The following LRCH3 variants were observed in gnomAD, a reference collection of about 807,000 sequenced individuals.
LRCH3 encodes DISP complex protein LRCH3.
A neutral mutation model predicts 104.5 loss-of-function variants in LRCH3; 68 were observed. The observed-to-expected ratio is 0.65, with a 90% CI of 0.54 to 0.80. The LOEUF is 0.80. Ranked by LOEUF, LRCH3 falls within the 30% of genes least tolerant of loss-of-function variation. The pLI, the probability that LRCH3 is intolerant of heterozygous loss-of-function variation, is 0.00. For missense variants in LRCH3, 951 were observed against 953.9 expected (o/e 1.00, Z 0.04); for synonymous variants, 344 against 361.3 (o/e 0.95, Z 0.54).
chr3:197,808,749 C>T (rs1732779678), intron 1 of LRCH3, among the ~76,000 whole-genome samples: 1 of 151,970 alleles, frequency 6.6e-6, no homozygotes. Context: ...CCCATCTCTC[C>T]AAAAATTAGC....
At chr3:197,841,809 A>ATGTTTTGTTT (rs370265011) in intron 10 of LRCH3, among the ~76,000 whole-genome samples, 33,485 of 148,218 alleles carry the variant, frequency 0.23, 4,445 homozygotes, top group Admixed American at 0.31. Flanking sequence ...CTAGGATTAC[A>ATGTTTTGTTT]TGTTTTGTTT....
chr3:197,853,283 G>A (rs934049347), intron 13 of LRCH3, among the ~76,000 whole-genome samples: 10 of 151,694 alleles, frequency 6.6e-5, no homozygotes, highest in Non-Finnish European at 1.2e-4. Flanking sequence ...TCCGACTCCC[G>A]GGTCCAACTG....
chr3:197,881,730 C>T, intron 20 of LRCH3: 2 of 985,304 alleles, frequency 2.0e-6, no homozygotes, highest in Non-Finnish European at 2.4e-6. Context: ...ATTCAGGAAC[C>T]TTCTGAACTC....
chr3:197,852,557 A>G lies in LRCH3; in HGVS notation c.1531-4A>G. On this transcript the variant is annotated splice_polypyrimidine_tract_variant and splice_region_variant and intron_variant, in intron 12 of 20. Coordinates refer to ENST00000425562, the MANE Select transcript of LRCH3 (RefSeq NM_001365715.1). ...CTTTTTTGGGGGGTTTTGGGATTAT[A>G]CAGCAAAAAGCATCACAAAGTCCAC... is the stretch of plus-strand genomic sequence containing the variant. The G allele has an allele frequency of 1.9e-6, 3 of 1,614,070 alleles. No individual in the cohort carries two copies. Among genetic ancestry groups the G allele is most frequent in the Non-Finnish European group, 2.5e-6 (3 of 1,179,954 alleles).
At chr3:197,861,573 A>G (rs1432731959) in intron 15 of LRCH3, among the ~76,000 whole-genome samples, 2 of 152,178 alleles carry the variant, frequency 1.3e-5, no homozygotes, top group Admixed American at 6.5e-5. Context: ...TTTTTTTTCT[A>G]TCCGACCTGC....
intron 20 of LRCH3, chr3:197,882,385 C>T (rs756410260): frequency 1.0e-6 from 1 of 982,128 alleles, no homozygotes; most frequent in East Asian, 1.1e-4. Flanking sequence ...ATTACAGTTA[C>T]CTCATTTTAT....
At chr3:197,853,253 G>A (rs951999760) in intron 13 of LRCH3, among the ~76,000 whole-genome samples, 6 of 151,766 alleles carry the variant, frequency 4.0e-5, no homozygotes, top group Non-Finnish European at 8.8e-5. Context: ...GCAGTGGCGC[G>A]ATACTGGCTC....
rs146048989 is a variant in LRCH3 at position 197,791,284 on chromosome 3, G to T, written c.6G>T (p.Ala2=). 2 of 1,608,216 alleles carry T rather than the reference G, an allele frequency of 1.2e-6. No homozygotes were observed. Among genetic ancestry groups the T allele is most frequent in the Non-Finnish European group, 1.7e-6 (2 of 1,178,562 alleles). M[A]AAGLVAVAAA... ...CGAGTGTTGTCGGCTGGGAAATGGC[G>T]GCCGCGGGCTTGGTCGCTGTGGCAG... The change falls in exon 1 of 21, where the codon GCG becomes GCT. Residue 2 remains alanine, a synonymous_variant. Transcript: ENST00000425562.
chr3:197,805,870 G>A (rs1732424083), intron 1 of LRCH3, among the ~76,000 whole-genome samples: 13 of 152,064 alleles, frequency 8.5e-5, no homozygotes, highest in Admixed American at 8.5e-4. Flanking sequence ...TACCTTACAG[G>A]GAAGTGTACA....
chr3:197,834,868 GCA>G, intron 8 of LRCH3, among the ~76,000 whole-genome samples: 1 of 152,204 alleles, frequency 6.6e-6, no homozygotes, highest in African/African-American at 2.4e-5. Flanking sequence ...TGTGTGCCAG[GCA>G]CGTTGGCTGA....
chr3:197,820,217 A>C, intron 3 of LRCH3, 108 bp from the exon 4 acceptor site: 1 of 744,746 alleles, frequency 1.3e-6, no homozygotes, highest in Middle Eastern at 3.1e-4. Context: ...TTAAGCTATT[A>C]AGTGAGATAC....
rs73089367 is a variant in LRCH3 at position 197,867,063 on chromosome 3, T to C, written c.1873+844T>C. 9.6e-3 allele frequency among the ~76,000 whole-genome samples: 1,459 copies of C among 151,840 alleles called. 20 individuals carry two copies. Among genetic ancestry groups the C allele is most frequent in the African/African-American group, 0.033 (1,386 of 41,416 alleles). ...GCCAAGGCGAGCAGATCACGTCATT[T>C]GAGGAGTTCATGACCAGCCTGGCCA... On this transcript the variant is annotated intron_variant, in intron 17 of 20. Coordinates refer to ENST00000425562, the MANE Select transcript of LRCH3 (RefSeq NM_001365715.1).
rs1230807678 is a variant in LRCH3 at position 197,810,904 on chromosome 3, A to G, written c.263-4004A>G. Among the ~76,000 whole-genome samples, 1 of 152,218 alleles carries G rather than the reference A, an allele frequency of 6.6e-6. No individual in the cohort carries two copies. The highest frequency in any genetic ancestry group is 2.4e-5 in the African/African-American group (1 of 41,466). On this transcript the variant is annotated intron_variant, in intron 1 of 20. Coordinates refer to ENST00000425562, the MANE Select transcript of LRCH3 (RefSeq NM_001365715.1). The surrounding 1 kb of genome is among the most constrained non-coding windows in gnomAD (Gnocchi z 4.0). Reference sequence around the variant, plus strand: ...AAAATAAGACTTTTGAATGAAAAGCATTAGAAAAACTATGTTTTGTGATCT... The same window carrying G: ...AAAATAAGACTTTTGAATGAAAAGCGTTAGAAAAACTATGTTTTGTGATCT...
In LRCH3 at chr3:197,835,815, C is replaced by T. The variant is rs1453908536; in HGVS notation, c.1244C>T (p.Ser415Phe). Residue 415 changes from serine to phenylalanine, a missense_variant, in exon 9 of 21, where the codon TCT (serine) becomes TTT (phenylalanine). Physicochemically the swap from Ser to Phe is radical, Grantham distance 155 (BLOSUM62 -2). Coordinates refer to ENST00000425562, the MANE Select transcript of LRCH3 (RefSeq NM_001365715.1). ...FMAYIEQRRI[S>F]HEGSPVKPVA... is the part of the protein sequence containing the mutation. ...GCGTATATTGAACAGCGGCGAATCT[C>T]TCATGAGGTAGTACACAGATTGAAG... The T allele has an allele frequency of 1.2e-6, 2 of 1,614,114 alleles. No homozygotes were observed. The highest frequency in any genetic ancestry group is 3.3e-5 in the Admixed American group (2 of 60,008).
intron 4 of LRCH3, among the ~76,000 whole-genome samples, chr3:197,821,237 G>A (rs1028048464): frequency 1.3e-5 from 2 of 152,168 alleles, no homozygotes; most frequent in East Asian, 1.9e-4. Context: ...GATGTGTAGA[G>A]TGAATGATAA....
intron 10 of LRCH3, 34 bp downstream of exon 10, chr3:197,839,431 G>A (rs1391513093): frequency 7.3e-7 from 1 of 1,373,830 alleles, no homozygotes; most frequent in Non-Finnish European, 1.0e-6. Flanking sequence ...ATTTGTTTCT[G>A]TCTTAATCAT....
chr3:197,824,785 T>G (rs750075528), intron 4 of LRCH3, among the ~76,000 whole-genome samples: 7 of 151,826 alleles, frequency 4.6e-5, no homozygotes, highest in Non-Finnish European at 7.4e-5. Context: ...TTGGCCAGGC[T>G]GGTCTTGAAC....
chr3:197,820,330 G>A lies in LRCH3; in HGVS notation c.540G>A (p.Val180=), dbSNP rs1734340992. The stretch of plus-strand genomic sequence containing the variant: ...TTTGTATCTTTTCGAAATAGGATGT[G>A]AGCTGCAATGAAATTCAAACTATAC... ...GHLRHLMELD[V]SCNEIQTIPS... The change falls in exon 4 of 21, where the codon GTG becomes GTA. Residue 180 remains valine (V), a synonymous_variant. Transcript: ENST00000425562. 6.2e-7 allele frequency: 1 copy of A among 1,604,232 alleles called. No individual in the cohort carries two copies. The highest frequency in any genetic ancestry group is 1.3e-5 in the African/African-American group (1 of 74,740).
rs1714158823 is a variant in LRCH3, at chr3:197,885,848, AGTT to A, written c.*2186_*2188del. ...CGGAAGATATCTCTTTTGTTTCTGT[AGTT>A]GTTAACTGTTCTGGATTTTCTTTAC... is the stretch of plus-strand genomic sequence containing the variant. On this transcript the variant is annotated 3_prime_UTR_variant, in exon 21 of 21. Coordinates refer to ENST00000425562, the MANE Select transcript of LRCH3 (RefSeq NM_001365715.1). 2 of 152,196 alleles carry A rather than the reference AGTT, an allele frequency of 1.3e-5. No individual in the cohort carries two copies. Among genetic ancestry groups the A allele is most frequent in the African/African-American group, 2.4e-5 (1 of 41,436 alleles). The allele number at this position is 152,196 out of a possible 1,614,324, so 9.4% of individuals were successfully genotyped here. A position where few individuals can be genotyped will look rare whatever the true frequency, so the allele number is the denominator to read the frequency against.
Sources: gnomAD v4.1 joint callset for allele counts (sites outside exome capture counted in the v4.1 genomes callset) on GRCh38, gnomAD v4.1.1 for gene constraint, Gnocchi (gnomAD v3.1) non-coding constraint, MANE v1.5 for transcripts, NCBI Gene and HGNC (gene_info 2026-07-23, HGNC 2026-07-21) for gene names.